Variants in PXMP4 observed in about 807,000 individuals in gnomAD.
PXMP4 encodes peroxisomal membrane protein 4.
Under a neutral mutation model 21.6 loss-of-function variants are expected in PXMP4, and 16 were observed. The ratio of observed to expected loss-of-function variants is 0.74; its 90% CI spans 0.50 to 1.13. The LOEUF (loss-of-function observed/expected upper bound fraction) is 1.13. Ranked by LOEUF, PXMP4 falls within the 50% of genes most tolerant of loss-of-function variation. The pLI is 0.00. For missense variants in PXMP4, 240 were observed against 277.7 expected, an observed-to-expected ratio of 0.86 and a Z score of 0.96; for synonymous variants, 127 against 123.8, an observed-to-expected ratio of 1.03 and a Z score of -0.17.
intron 2 of PXMP4, among the ~76,000 whole-genome samples, chr20:33,711,150 T>C (rs530496289): frequency 6.6e-6 from 1 of 152,294 alleles, no homozygotes; most frequent in South Asian, 2.1e-4. Flanking sequence ...TAAATGTTTT[T>C]TTGAGTAAAC....
intron 2 of PXMP4, among the ~76,000 whole-genome samples, chr20:33,711,554 G>A (rs2018325793): frequency 6.6e-6 from 1 of 152,124 alleles, no homozygotes; most frequent in South Asian, 2.1e-4. Context: ...AGATAGAGGA[G>A]GCTATTCTTT....
intron 3 of PXMP4, among the ~76,000 whole-genome samples, chr20:33,708,870 A>G (rs979060416): frequency 6.6e-6 from 1 of 152,052 alleles, no homozygotes; most frequent in Non-Finnish European, 1.5e-5. Context: ...TGCATTTTTA[A>G]TGGAAATGGG....
rs2018438224 is a variant in PXMP4 at position 33,720,263 on chromosome 20, A to C, written c.-56T>G. 1 of 1,493,866 alleles carries C rather than the reference A, an allele frequency of 6.7e-7. No individual in the cohort carries two copies. Among genetic ancestry groups the C allele is most frequent in the Non-Finnish European group, 9.1e-7 (1 of 1,094,224 alleles). 92.5% of individuals were successfully genotyped at this position (1,493,866 alleles called of 1,614,324 possible). A position where few individuals can be genotyped will look rare whatever the true frequency, so the allele number is the denominator to read the frequency against. On this transcript the variant is annotated 5_prime_UTR_variant, in exon 1 of 4. Coordinates refer to ENST00000409299, the MANE Select transcript of PXMP4 (RefSeq NM_007238.5). ...GAACTGTAAGCGCACTGACAGCCGG[A>C]GGTTCCAGCTGCGCGCCCACAGCCC...
intron 1 of PXMP4, among the ~76,000 whole-genome samples, chr20:33,717,140 T>C (rs1345214745): frequency 2.0e-5 from 3 of 152,040 alleles, no homozygotes; most frequent in Non-Finnish European, 4.4e-5. Context: ...ATCGTGCCAC[T>C]GTACTCCAGC....
At chr20:33,714,403 C>G (rs1406674052) in intron 2 of PXMP4, among the ~76,000 whole-genome samples, 2 of 152,026 alleles carry the variant, frequency 1.3e-5, no homozygotes, top group Non-Finnish European at 2.9e-5. Context: ...CCTATAGTCC[C>G]AGCTACTCAG....
chr20:33,712,618 CTTTG>C (rs1157955992), intron 2 of PXMP4, among the ~76,000 whole-genome samples: 2 of 151,612 alleles, frequency 1.3e-5, no homozygotes, highest in African/African-American at 2.4e-5. Context: ...TCCGACTAAT[CTTTG>C]TTTGTTCATT....
chr20:33,720,139 G>GT lies in PXMP4; in HGVS notation c.68dup (p.Tyr23Ter). Residue 23 changes from tyrosine (Y) to a stop codon, truncating the protein, a stop_gained and frameshift_variant, in exon 1 of 4, where the codon TAC (tyrosine) becomes TAAC (stop). Coordinates refer to ENST00000409299, the MANE Select transcript of PXMP4 (RefSeq NM_007238.5). LOFTEE classifies it high-confidence loss of function. ...VVNALLRKRR[Y>*]HAALAVLKGF... ...CCTTAAGCACGGCCAACGCAGCGTG[G>GT]TAGCGGCGCTTGCGCAGCAGTGCGT... 6.2e-7 allele frequency: 1 copy of GT among 1,613,686 alleles called. No individual in the cohort carries two copies. Among genetic ancestry groups the GT allele is most frequent in the Non-Finnish European group, 8.5e-7 (1 of 1,179,928 alleles).
intron 1 of PXMP4, among the ~76,000 whole-genome samples, chr20:33,717,658 A>AAAAAAAAAAAAAAAAT (rs1555866644): frequency 2.9e-5 from 4 of 137,502 alleles, no homozygotes; most frequent in African/African-American, 8.8e-5. Context: ...AAAAAAAAAA[A>AAAAAAAAAAAAAAAAT]TTATTAAATA....
chr20:33,712,014 G>A (rs2018332411), intron 2 of PXMP4, among the ~76,000 whole-genome samples: 1 of 151,818 alleles, frequency 6.6e-6, no homozygotes, highest in Non-Finnish European at 1.5e-5. Flanking sequence ...TAGGGGGCAG[G>A]AAGGATAACA....
Position 33,707,632 on chromosome 20 carries a change from G to C in PXMP4, c.*74C>G. The C allele has an allele frequency of 1.3e-6, 2 of 1,543,660 alleles. No individual in the cohort carries two copies. The highest frequency in any genetic ancestry group is 2.3e-5 in the East Asian group (1 of 44,046). On this transcript the variant is annotated 3_prime_UTR_variant, in exon 4 of 4. Transcript: ENST00000409299. ...GTTGGAGTCTGAGGCCTATGATCTT[G>C]AGAAGGCAGTATCCTTTGGGAGGGT...
chr20:33,709,033 T>C (rs561578992), intron 3 of PXMP4, among the ~76,000 whole-genome samples: 1 of 152,304 alleles, frequency 6.6e-6, no homozygotes, highest in Non-Finnish European at 1.5e-5. Context: ...CCAGGTGTGG[T>C]GGCTCACGCT....
At chr20:33,710,505 T>G in intron 3 of PXMP4, 50 bp downstream of exon 3, 1 of 623,422 alleles carries the variant, frequency 1.6e-6, no homozygotes, top group Non-Finnish European at 2.4e-6. Flanking sequence ...CCCCCACCTC[T>G]GTGCTGAACC....
chr20:33,714,476 C>G (rs1414734623), intron 2 of PXMP4, among the ~76,000 whole-genome samples, 198 bp downstream of exon 2: 2 of 152,030 alleles, frequency 1.3e-5, no homozygotes, highest in Admixed American at 1.3e-4. Flanking sequence ...CCGAGATCAT[C>G]ACCGCACTCT....
In PXMP4 at chr20:33,718,735, A is replaced by G. The variant is rs1418750048; in HGVS notation, c.113+1360T>C. 2.0e-5 allele frequency among the ~76,000 whole-genome samples: 3 copies of G among 152,000 alleles called. No homozygotes were observed. In the East Asian group the frequency reaches 5.8e-4, roughly 29 times the overall value. ...TGCTGTGGCCACGAGCAATGGGTCTACCTCTGAGCTACAGCCTTTTCATCT... is the reference window on the plus strand; with the variant it reads ...TGCTGTGGCCACGAGCAATGGGTCTGCCTCTGAGCTACAGCCTTTTCATCT... On this transcript the variant is annotated intron_variant, in intron 1 of 3. Coordinates refer to ENST00000409299, the MANE Select transcript of PXMP4 (RefSeq NM_007238.5).
chr20:33,710,347 C>T, intron 3 of PXMP4, among the ~76,000 whole-genome samples: 1 of 150,892 alleles, frequency 6.6e-6, no homozygotes, highest in Admixed American at 6.6e-5. Context: ...GCCCCTTCCC[C>T]CACTCCTACC....
chr20:33,717,971 T>C (rs1601210186), intron 1 of PXMP4, among the ~76,000 whole-genome samples: 1 of 152,246 alleles, frequency 6.6e-6, no homozygotes, highest in East Asian at 1.9e-4. Context: ...TACGCACATA[T>C]AAAAGTTCCT....
In PXMP4 at chr20:33,714,683, C is replaced by T. The variant is rs772081164; in HGVS notation, c.167G>A (p.Arg56Gln). 17 of 1,613,820 alleles carry T rather than the reference C, an allele frequency of 1.1e-5. No individual in the cohort carries two copies. The highest frequency in any genetic ancestry group is 1.0e-4 in the Admixed American group (6 of 59,970). The change falls in exon 2 of 4, where the codon CGG (arginine) becomes CAG (glutamine). Residue 56 changes from arginine to glutamine, a missense_variant. By Grantham distance (43) the Arg-to-Gln change is conservative (BLOSUM62 1). Coordinates refer to ENST00000409299, the MANE Select transcript of PXMP4 (RefSeq NM_007238.5). ...PHALVMTFLF[R>Q]NGSLQEKLWA... ...TTTGAGGGATGTGTACCTGCCATTC[C>T]GGAAGAGAAAGGTCATGACCAGCGC...
chr20:33,713,495 C>T (rs1347493790), intron 2 of PXMP4, among the ~76,000 whole-genome samples: 2 of 152,274 alleles, frequency 1.3e-5, no homozygotes, highest in East Asian at 3.9e-4. Context: ...TTTTGCTTTT[C>T]CATAACCATA....
At chr20:33,715,644 C>T (rs2018375414) in intron 1 of PXMP4, among the ~76,000 whole-genome samples, 1 of 151,670 alleles carries the variant, frequency 6.6e-6, no homozygotes, top group African/African-American at 2.4e-5. Context: ...CCAGGCTGGT[C>T]TCAAACTCCT....
Sources: gnomAD v4.1 joint callset for allele counts (sites outside exome capture counted in the v4.1 genomes callset) on GRCh38, gnomAD v4.1.1 for gene constraint, MANE v1.5 for transcripts, NCBI Gene and HGNC (gene_info 2026-07-23, HGNC 2026-07-21) for gene names.